HCK: variants seen among roughly 807,000 people sequenced by gnomAD.
The protein encoded by HCK is tyrosine-protein kinase HCK.
Under a neutral mutation model 70.4 loss-of-function variants are expected in HCK, and 40 were observed. The ratio of observed to expected loss-of-function variants is 0.57; its 90% CI spans 0.44 to 0.74. The LOEUF (loss-of-function observed/expected upper bound fraction) is 0.74, where lower values mean the gene tolerates loss of function less well. Among genes scored for constraint, HCK ranks in the 30% least tolerant of loss-of-function variants. The pLI is 0.00. For synonymous variants in HCK, 245 were observed against 263.2 expected (o/e 0.93, Z 0.67); for missense variants, 568 against 697.2 (o/e 0.81, Z 2.09).
At position 32,086,679 on chromosome 20, in the gene HCK, G is replaced by C; in HGVS notation, c.887G>C (p.Ser296Thr). 1 of 1,613,372 alleles carries C rather than the reference G, an allele frequency of 6.2e-7. No homozygotes were observed. Among genetic ancestry groups the C allele is most frequent in the Non-Finnish European group, 8.5e-7 (1 of 1,179,626 alleles). Residue 296 changes from serine (S) to threonine (T), a missense_variant, in exon 9 of 13, where the codon AGC (serine) becomes ACC (threonine). By Grantham distance (58) the Ser-to-Thr change is moderately conservative. Around this residue, in one of 4 missense-constraint regions of HCK, gnomAD observed 160 missense variants for 237.5 expected, o/e 0.67. Coordinates refer to ENST00000375852, the MANE Select transcript of HCK (RefSeq NM_002110.5). Reference sequence around the variant, plus strand: ...GCAGTGAAGACGATGAAGCCAGGGAGCATGTCGGTGGAGGCCTTCCTGGCA... The same window carrying C: ...GCAGTGAAGACGATGAAGCCAGGGACCATGTCGGTGGAGGCCTTCCTGGCA...
intron 12 of HCK, among the ~76,000 whole-genome samples, chr20:32,099,656 C>G (rs1020516641): frequency 1.8e-4 from 28 of 152,114 alleles, no homozygotes; most frequent in Admixed American, 1.1e-3. Context: ...CTGTGCCTGG[C>G]CTCACCCCTA....
chr20:32,074,835 G>A lies in HCK; in HGVS notation c.428+114G>A, dbSNP rs1055810292. Reference sequence around the variant, plus strand: ...CTGCCTGGCACATACTCTTCCCAGGGCTCTGGGCTTGGCTGGCTCCTTCTC... The same window carrying A: ...CTGCCTGGCACATACTCTTCCCAGGACTCTGGGCTTGGCTGGCTCCTTCTC... On this transcript the variant is annotated intron_variant, in intron 5 of 12. Transcript: ENST00000375852. 3 of 723,896 alleles carry A rather than the reference G, an allele frequency of 4.1e-6. No individual in the cohort carries two copies. The Admixed American group carries it at 6.5e-5, about 16-fold the overall frequency. The allele number at this position is 723,896 out of a possible 1,614,324, so 44.8% of individuals were successfully genotyped here.
chr20:32,079,958 G>A, intron 6 of HCK, 81 bp downstream of exon 6: 1 of 1,088,622 alleles, frequency 9.2e-7, no homozygotes, highest in South Asian at 1.3e-5. Context: ...CTTGGAAAAT[G>A]CCCTGGGAAA....
In HCK at chr20:32,090,367, C is replaced by T. The variant is rs149859280; in HGVS notation, c.1092+1723C>T. Among the ~76,000 whole-genome samples the T allele has an allele frequency of 6.2e-3, 950 of 152,374 alleles. 7 individuals are homozygous for T. Among genetic ancestry groups the T allele is most frequent in the Non-Finnish European group, 9.6e-3 (656 of 68,038 alleles). ...GCCCACCTGGGGCTTTGGTCTTCAC[C>T]TCCAGACTCAGAGAGGCAGCTTGGA... On this transcript the variant is annotated intron_variant, in intron 10 of 12. Coordinates refer to ENST00000375852, the MANE Select transcript of HCK (RefSeq NM_002110.5).
chr20:32,091,283 A>G (rs547255773), intron 10 of HCK, among the ~76,000 whole-genome samples: 2 of 152,348 alleles, frequency 1.3e-5, no homozygotes, highest in African/African-American at 4.8e-5. Context: ...AAGGCAAAAA[A>G]GCTGGGCCAA....
At position 32,074,909 on chromosome 20, in the gene HCK, TC is replaced by T. The variant is rs1389752448; in HGVS notation, c.428+191del. On this transcript the variant is annotated intron_variant, in intron 5 of 12. Coordinates refer to ENST00000375852, the MANE Select transcript of HCK (RefSeq NM_002110.5). ...GTCAGGGAAGAGAGGCTAAAGTGGG[TC>T]CCAGCTGTGACTCTGTCTTGTGGAA... Among the ~76,000 whole-genome samples, 5 of 152,156 alleles carry T rather than the reference TC, an allele frequency of 3.3e-5. No homozygotes were observed. In the East Asian group the frequency reaches 9.6e-4, roughly 29 times the overall value.
At chr20:32,093,662 G>A (rs1242385957) in intron 10 of HCK, among the ~76,000 whole-genome samples, 4 of 152,190 alleles carry the variant, frequency 2.6e-5, no homozygotes, top group Admixed American at 1.3e-4. Context: ...ACTGGCCCAG[G>A]CCTCCTTAGG....
chr20:32,071,532 A>G, intron 1 of HCK, 130 bp from the exon 2 acceptor site: 1 of 1,117,892 alleles, frequency 8.9e-7, no homozygotes, highest in Non-Finnish European at 1.3e-6. Context: ...TGGAGCTGGC[A>G]GGGGAGTTAA....
intron 1 of HCK, 93 bp downstream of exon 1, chr20:32,052,579 G>C (rs2045189576): frequency 3.2e-6 from 3 of 933,562 alleles, no homozygotes; most frequent in South Asian, 4.4e-5. Flanking sequence ...GGCTGGCTAC[G>C]GGTGCGGCTG....
intron 3 of HCK, among the ~76,000 whole-genome samples, 160 bp downstream of exon 3, chr20:32,073,521 A>C (rs1287142269): frequency 6.6e-6 from 1 of 152,238 alleles, no homozygotes; most frequent in African/African-American, 2.4e-5. Context: ...GTGTTTCTAG[A>C]ACGCTGTTTA....
chr20:32,092,384 G>C (rs1269438274), intron 10 of HCK, among the ~76,000 whole-genome samples: 1 of 152,182 alleles, frequency 6.6e-6, no homozygotes, highest in African/African-American at 2.4e-5. Context: ...TAAACCAAAA[G>C]TGCTGCTTTC....
chr20:32,070,945 G>A (rs1029518401), intron 1 of HCK, among the ~76,000 whole-genome samples: 8 of 132,840 alleles, frequency 6.0e-5, no homozygotes, highest in Non-Finnish European at 1.3e-4. Context: ...GGAAGGAGGA[G>A]GAGGGGGAAG....
chr20:32,067,143 A>G (rs1406547615), intron 1 of HCK, among the ~76,000 whole-genome samples: 1 of 152,152 alleles, frequency 6.6e-6, no homozygotes, highest in Admixed American at 6.5e-5. Flanking sequence ...TTCACCCAAT[A>G]AGTATTTTAG....
intron 1 of HCK, among the ~76,000 whole-genome samples, chr20:32,061,936 C>G (rs1419796153): frequency 8.2e-6 from 1 of 122,048 alleles, no homozygotes; most frequent in Admixed American, 8.4e-5. Context: ...TCTGACTTAC[C>G]TTTTTTTTTT....
intron 1 of HCK, among the ~76,000 whole-genome samples, chr20:32,052,833 G>T (rs2045200663): frequency 6.6e-6 from 1 of 151,746 alleles, no homozygotes; most frequent in Admixed American, 6.6e-5. Context: ...AAGAAGGAAG[G>T]GATGGGGCTT....
chr20:32,062,730 G>A (rs1449643105), intron 1 of HCK, among the ~76,000 whole-genome samples: 6 of 152,156 alleles, frequency 3.9e-5, no homozygotes, highest in Non-Finnish European at 5.9e-5. Context: ...GAGAAGTCAG[G>A]AGTGACCCCT....
chr20:32,094,437 T>C (rs1228611988), intron 11 of HCK, among the ~76,000 whole-genome samples: 1 of 151,972 alleles, frequency 6.6e-6, no homozygotes, highest in Non-Finnish European at 1.5e-5. Context: ...CCCAGCACTT[T>C]AGGAGGCCAA....
chr20:32,087,132 G>A (rs539310896), intron 9 of HCK, among the ~76,000 whole-genome samples: 1 of 152,208 alleles, frequency 6.6e-6, no homozygotes, highest in Non-Finnish European at 1.5e-5. Context: ...CATGGGTGGT[G>A]GGGGTGCCAC....
chr20:32,074,983 GTTTC>G (rs777575698), intron 5 of HCK, among the ~76,000 whole-genome samples: 246 of 152,292 alleles, frequency 1.6e-3, no homozygotes, highest in Non-Finnish European at 1.6e-3. Context: ...AAACGACCTG[GTTTC>G]TTTGGTTGGT....
Sources: allele counts gnomAD v4.1 joint callset (sites outside exome capture counted in the v4.1 genomes callset), GRCh38; gene constraint gnomAD v4.1.1; regional missense constraint gnomAD v4.1.1; transcripts MANE v1.5; gene names NCBI Gene and HGNC (gene_info 2026-07-23, HGNC 2026-07-21).